CTNNA3: variants seen among roughly 807,000 people sequenced by gnomAD.
CTNNA3 encodes catenin alpha-3.
In CTNNA3, 76 loss-of-function variants were observed where a neutral mutation model predicts 95.7. That is an observed-to-expected ratio of 0.79 (90% CI 0.66 to 0.96). The LOEUF is 0.96. Among genes scored for constraint, CTNNA3 ranks in the 40% least tolerant of loss-of-function variants. The pLI is 0.00. For synonymous variants in CTNNA3, 431 were observed against 374.4 expected, an observed-to-expected ratio of 1.15 and a Z score of -1.74; for missense variants, 1,191 against 1,089.8, an observed-to-expected ratio of 1.09 and a Z score of -1.31.
At chr10:66,018,212 ACACACACT>A (rs2079132339) in intron 15 of CTNNA3, among the ~76,000 whole-genome samples, 1 of 151,846 alleles carries the variant, frequency 6.6e-6, no homozygotes. Flanking sequence ...ACACACACAC[ACACACACT>A]ATTTTATTGG....
At chr10:67,334,536 A>C (rs1841914193) in intron 5 of CTNNA3, 1 of 152,556 alleles carries the variant, frequency 6.6e-6, no homozygotes, top group African/African-American at 2.4e-5. Context: ...GTAGAAAACA[A>C]GAAGGCTCAG....
intron 3 of CTNNA3, among the ~76,000 whole-genome samples, chr10:67,556,086 G>A (rs1487991200): frequency 6.6e-6 from 1 of 152,184 alleles, no homozygotes; most frequent in Non-Finnish European, 1.5e-5. Context: ...AACCAGCCTT[G>A]CATCCCAGGG....
At chr10:66,379,979 G>A (rs977103587) in intron 11 of CTNNA3, among the ~76,000 whole-genome samples, 1 of 152,080 alleles carries the variant, frequency 6.6e-6, no homozygotes, top group Non-Finnish European at 1.5e-5. Flanking sequence ...CAACAAACAT[G>A]GTCAATGATA....
intron 13 of CTNNA3, among the ~76,000 whole-genome samples, chr10:66,213,756 G>T (rs1026504348): frequency 2.6e-5 from 4 of 152,072 alleles, no homozygotes; most frequent in African/African-American, 9.7e-5. Flanking sequence ...GGGGGAAATG[G>T]GTGCCTAAAT....
At chr10:67,296,203 T>C (rs1050028706) in intron 5 of CTNNA3, among the ~76,000 whole-genome samples, 27 of 152,298 alleles carry the variant, frequency 1.8e-4, no homozygotes, top group Admixed American at 1.6e-3. Context: ...TTCTTTTCTC[T>C]CTAAAATATT....
intron 13 of CTNNA3, among the ~76,000 whole-genome samples, chr10:66,172,115 A>T (rs2085461991): frequency 6.6e-6 from 1 of 152,140 alleles, no homozygotes; most frequent in African/African-American, 2.4e-5. Flanking sequence ...TGTATCCCTT[A>T]TGAGATGAAA....
chr10:67,126,741 T>C (rs1216149275), intron 7 of CTNNA3, among the ~76,000 whole-genome samples: 1 of 152,170 alleles, frequency 6.6e-6, no homozygotes, highest in Non-Finnish European at 1.5e-5. Flanking sequence ...AAAAGATCCA[T>C]ATACATTGGG....
At chr10:65,942,917 C>T (rs1270648397) in intron 17 of CTNNA3, among the ~76,000 whole-genome samples, 1 of 151,916 alleles carries the variant, frequency 6.6e-6, no homozygotes, top group African/African-American at 2.4e-5. Flanking sequence ...TGTGGTAAAA[C>T]AACAGAGATT....
chr10:65,976,638 G>C (rs1589204003), intron 16 of CTNNA3, among the ~76,000 whole-genome samples: 1 of 152,228 alleles, frequency 6.6e-6, no homozygotes, highest in East Asian at 1.9e-4. Flanking sequence ...ACTTATAAAA[G>C]TTATTAAAGC....
intron 13 of CTNNA3, among the ~76,000 whole-genome samples, chr10:66,237,431 A>G (rs968176776): frequency 6.6e-6 from 1 of 152,126 alleles, no homozygotes; most frequent in African/African-American, 2.4e-5. Context: ...ATATTTTGTT[A>G]TTCGATCCTC....
chr10:67,441,809 T>A (rs1256241466), intron 5 of CTNNA3, among the ~76,000 whole-genome samples: 2 of 152,098 alleles, frequency 1.3e-5, no homozygotes, highest in African/African-American at 4.8e-5. Flanking sequence ...TAAAGGGATC[T>A]CTTCAAGCAG....
At chr10:66,087,294 T>G (rs1233301455) in intron 14 of CTNNA3, among the ~76,000 whole-genome samples, 1 of 152,116 alleles carries the variant, frequency 6.6e-6, no homozygotes, top group African/African-American at 2.4e-5. Flanking sequence ...AAGCTCTCTC[T>G]TCTTTCTTTT....
chr10:67,727,879 T>C (rs1264091087), intron 1 of CTNNA3, among the ~76,000 whole-genome samples: 6 of 132,096 alleles, frequency 4.5e-5, no homozygotes, highest in African/African-American at 1.7e-4. Flanking sequence ...ATATAGTATA[T>C]ATCACATATT....
At chr10:66,975,910 A>G (rs1316726892) in intron 7 of CTNNA3, among the ~76,000 whole-genome samples, 1 of 152,216 alleles carries the variant, frequency 6.6e-6, no homozygotes, top group Non-Finnish European at 1.5e-5. Flanking sequence ...CTTATAGGAA[A>G]ATATATAAAA....
At chr10:67,742,728 A>C (rs892901254) in intron 1 of CTNNA3, among the ~76,000 whole-genome samples, 3 of 151,108 alleles carry the variant, frequency 2.0e-5, no homozygotes, top group Admixed American at 6.6e-5. Flanking sequence ...TTTTTTGAAA[A>C]GATCAACAAA....
chr10:66,022,273 C>T (rs1031506310), intron 15 of CTNNA3, among the ~76,000 whole-genome samples: 3 of 152,118 alleles, frequency 2.0e-5, no homozygotes, highest in Non-Finnish European at 4.4e-5. Flanking sequence ...CAAATTACTT[C>T]TCAAATAAAT....
intron 2 of CTNNA3, among the ~76,000 whole-genome samples, chr10:67,616,444 C>T (rs957254008): frequency 6.6e-6 from 1 of 152,134 alleles, no homozygotes; most frequent in African/African-American, 2.4e-5. Flanking sequence ...GTTAGGAGTC[C>T]GTTGCTGTAG....
chr10:66,287,418 T>A (rs755851884), intron 12 of CTNNA3, among the ~76,000 whole-genome samples: 5 of 152,054 alleles, frequency 3.3e-5, no homozygotes, highest in Non-Finnish European at 7.4e-5. Context: ...CAGGTCACTT[T>A]GTTTCCTCAG....
rs1182585284 is a variant in CTNNA3 at position 67,718,037 on chromosome 10, C to G, written c.-2+45397G>C. On this transcript the variant is annotated intron_variant, in intron 1 of 17. Transcript: ENST00000684154. Reference sequence around the variant, plus strand: ...TCTCCTTGAAGAGGTCCTCACACATCCCTTGTAAGTTGTATTCCTAGATAT... The same window carrying G: ...TCTCCTTGAAGAGGTCCTCACACATGCCTTGTAAGTTGTATTCCTAGATAT... Among the ~76,000 whole-genome samples, 4 of 152,246 alleles carry G rather than the reference C, an allele frequency of 2.6e-5. No individual in the cohort carries two copies. The East Asian group carries it at 7.7e-4, about 29-fold the overall frequency.
Sources: gnomAD v4.1 joint callset for allele counts (sites outside exome capture counted in the v4.1 genomes callset) on GRCh38, gnomAD v4.1.1 for gene constraint, MANE v1.5 for transcripts, NCBI Gene and HGNC (gene_info 2026-07-23, HGNC 2026-07-21) for gene names.